The following DNAJC22 variants were observed in gnomAD, a reference collection of about 807,000 sequenced individuals.
DNAJC22 encodes DnaJ heat shock protein family (Hsp40) member C22.
DNAJC22 carries 24 observed loss-of-function variants against 22.2 expected under a neutral mutation model. The ratio of observed to expected loss-of-function variants is 1.08; its 90% CI spans 0.78 to 1.52. The LOEUF is 1.52. Among genes scored for constraint, DNAJC22 ranks in the 40% most tolerant of loss-of-function variants. DNAJC22 has a pLI of 0.00. For missense variants in DNAJC22, 434 were observed against 421.7 expected (o/e 1.03, Z -0.26); for synonymous variants, 160 against 167.4 (o/e 0.96, Z 0.34).
Position 49,349,601 on chromosome 12 carries a change from G to A in DNAJC22, c.729G>A (p.Trp243Ter), listed in dbSNP as rs373543881. Residue 243 changes from tryptophan (W) to a stop codon, truncating the protein, a stop_gained, in exon 3 of 4, where the codon TGG (tryptophan) becomes TGA (stop). Transcript: ENST00000549441. LOFTEE classifies it high-confidence loss of function. ...TCCTCCTTCTGCCTTACCGGATCTGGAGGCTACTGATGGGGGAGACTGGCT... is the reference window on the plus strand; with the variant it reads ...TCCTCCTTCTGCCTTACCGGATCTGAAGGCTACTGATGGGGGAGACTGGCT... Reference protein sequence around the residue: ...EFVLLLPYRIWRLLMGETGFN... With the variant: ...EFVLLLPYRI The A allele has an allele frequency of 3.7e-6, 6 of 1,614,130 alleles. No individual in the cohort carries two copies. Among genetic ancestry groups the A allele is most frequent in the Admixed American group, 1.7e-5 (1 of 60,008 alleles).
chr12:49,349,288 T>A lies in DNAJC22; in HGVS notation c.416T>A (p.Phe139Tyr). Reference protein sequence around the residue: ...SDFKNTLGSAFLTSPIFYGRP... With the variant: ...SDFKNTLGSAYLTSPIFYGRP... Reference sequence around the variant, plus strand: ...TTTAAGAACACTCTGGGGTCAGCATTTCTCACTTCACCTATCTTCTATGGC... The same window carrying A: ...TTTAAGAACACTCTGGGGTCAGCATATCTCACTTCACCTATCTTCTATGGC... The change falls in exon 3 of 4, where the codon TTT becomes TAT. Residue 139 changes from phenylalanine (F) to tyrosine (Y), a missense_variant. Transcript: ENST00000549441. 6.2e-7 allele frequency: 1 copy of A among 1,614,130 alleles called. No individual in the cohort carries two copies. Among genetic ancestry groups the A allele is most frequent in the East Asian group, 2.2e-5 (1 of 44,892 alleles).
rs1352890121 is a variant in DNAJC22 at position 49,352,102 on chromosome 12, T to C, written c.*600T>C. 1.3e-5 allele frequency: 2 copies of C among 152,178 alleles called. No homozygotes were observed. Among genetic ancestry groups the C allele is most frequent in the African/African-American group, 2.4e-5 (1 of 41,450 alleles). 9.4% of individuals were successfully genotyped at this position (152,178 alleles called of 1,614,324 possible). ...ATATCTTTTAGAGTATGGACAACTA[T>C]TATATATCAATAAAAAATTAATTAG... On this transcript the variant is annotated 3_prime_UTR_variant, in exon 4 of 4. Coordinates refer to ENST00000549441, the MANE Select transcript of DNAJC22 (RefSeq NM_001304944.2).
chr12:49,350,406 G>A (rs1229645087), intron 3 of DNAJC22, among the ~76,000 whole-genome samples: 1 of 151,208 alleles, frequency 6.6e-6, no homozygotes, highest in African/African-American at 2.4e-5. Flanking sequence ...CTCCAAATAA[G>A]TGGAACCATC....
In DNAJC22 at chr12:49,349,529, G is replaced by A. The variant is rs773539020; in HGVS notation, c.657G>A (p.Leu219=). ...TGGCAGAAACCTTTGGCTCCTTCTTGAATTGGTTCAGCTTCTTCCCCCTTC... is the reference window on the plus strand; with the variant it reads ...TGGCAGAAACCTTTGGCTCCTTCTTAAATTGGTTCAGCTTCTTCCCCCTTC... The part of the protein sequence containing the change: ...SYVAETFGSF[L]NWFSFFPLLG... Residue 219 remains leucine (L), a synonymous_variant, in exon 3 of 4, where the codon TTG becomes TTA. Coordinates refer to ENST00000549441, the MANE Select transcript of DNAJC22 (RefSeq NM_001304944.2). The A allele has an allele frequency of 3.7e-6, 6 of 1,614,226 alleles. No homozygotes were observed. The Admixed American group carries it at 8.3e-5, about 22-fold the overall frequency.
rs1431162707 is a variant in DNAJC22 at position 49,351,475 on chromosome 12, C to T, written c.999C>T (p.Pro333=). 2.5e-6 allele frequency: 4 copies of T among 1,568,702 alleles called. No homozygotes were observed. Among genetic ancestry groups the T allele is most frequent in the Non-Finnish European group, 3.4e-6 (4 of 1,162,714 alleles). Residue 333 remains proline, a synonymous_variant, in exon 4 of 4, where the codon CCC becomes CCT. Coordinates refer to ENST00000549441, the MANE Select transcript of DNAJC22 (RefSeq NM_001304944.2). ...CTGCGTATGAAGTCCTGAGTCAACC[C>T]AGGAAGCCCTGGGGATCCCGGAGGT... is the stretch of plus-strand genomic sequence containing the variant. ...IQAAYEVLSQ[P]RKPWGSRR
chr12:49,351,526 G>T lies in DNAJC22; in HGVS notation c.*24G>T. 1 of 1,516,412 alleles carries T rather than the reference G, an allele frequency of 6.6e-7. No individual in the cohort carries two copies. Among genetic ancestry groups the T allele is most frequent in the South Asian group, 1.3e-5 (1 of 74,932 alleles). 93.9% of individuals were successfully genotyped at this position (1,516,412 alleles called of 1,614,324 possible). ...GAAAAGAAACTTCCCCCTGAGGACT[G>T]ACTCTTCCTAGCAGAGCTGGGCAAC... is the stretch of plus-strand genomic sequence containing the variant. On this transcript the variant is annotated 3_prime_UTR_variant, in exon 4 of 4. Transcript: ENST00000549441.
chr12:49,353,297 T>C lies in DNAJC22; in HGVS notation c.*1795T>C, dbSNP rs1943803527. ...TCTTGCTCTCTTTGTGTGTGTGCAT[T>C]CTTTCCATTTTTTTCTTCTTTCTGG... On this transcript the variant is annotated 3_prime_UTR_variant, in exon 4 of 4. Transcript: ENST00000549441. 1.3e-5 allele frequency: 2 copies of C among 152,222 alleles called. No individual in the cohort carries two copies. Among genetic ancestry groups the C allele is most frequent in the African/African-American group, 4.8e-5 (2 of 41,452 alleles). The allele number at this position is 152,222 out of a possible 1,614,324, so 9.4% of individuals were successfully genotyped here.
rs1460737364 is a variant in DNAJC22 at position 49,347,896 on chromosome 12, G to C, written c.-317G>C. On this transcript the variant is annotated 5_prime_UTR_variant, in exon 2 of 4. Coordinates refer to ENST00000549441, the MANE Select transcript of DNAJC22 (RefSeq NM_001304944.2). ...CGAGTTTCCCCGCGAGGGCGGGCGG[G>C]AGGAGTCCCAGGCGGGAATGTGATC... 1 of 152,412 alleles carries C rather than the reference G, an allele frequency of 6.6e-6. No individual in the cohort carries two copies. The highest frequency in any genetic ancestry group is 2.1e-4 in the South Asian group (1 of 4,842). The allele number at this position is 152,412 out of a possible 1,614,324, so 9.4% of individuals were successfully genotyped here.
In DNAJC22 at chr12:49,353,485, CA is replaced by C. The variant is rs1209837071; in HGVS notation, c.*1988del. ...GCAACATGGCAAAACTCCATCTCTACAAAAAGTACAAAAATGAGCCAGGTGT... is the reference window on the plus strand; with the variant it reads ...GCAACATGGCAAAACTCCATCTCTACAAAAGTACAAAAATGAGCCAGGTGT... On this transcript the variant is annotated 3_prime_UTR_variant, in exon 4 of 4. Transcript: ENST00000549441. 6.6e-6 allele frequency: 1 copy of C among 151,994 alleles called. No individual in the cohort carries two copies. Among genetic ancestry groups the C allele is most frequent in the Non-Finnish European group, 1.5e-5 (1 of 68,008 alleles). The allele number at this position is 151,994 out of a possible 1,614,324, so 9.4% of individuals were successfully genotyped here.
Position 49,353,042 on chromosome 12 carries a change from T to G in DNAJC22, c.*1540T>G, listed in dbSNP as rs1028169592. The G allele has an allele frequency of 1.3e-5, 2 of 152,240 alleles. No individual in the cohort carries two copies. The highest frequency in any genetic ancestry group is 2.9e-5 in the Non-Finnish European group (2 of 68,050). The allele number at this position is 152,240 out of a possible 1,614,324, so 9.4% of individuals were successfully genotyped here. On this transcript the variant is annotated 3_prime_UTR_variant, in exon 4 of 4. Coordinates refer to ENST00000549441, the MANE Select transcript of DNAJC22 (RefSeq NM_001304944.2). ...ATTGGCACATTGGAGGAGGGACAGATAACATTGTTTTATGGGGACTCAGAA... is the reference window on the plus strand; with the variant it reads ...ATTGGCACATTGGAGGAGGGACAGAGAACATTGTTTTATGGGGACTCAGAA...
In DNAJC22 at chr12:49,351,508, A is replaced by G. The variant is rs374700419; in HGVS notation, c.*6A>G. The G allele has an allele frequency of 4.6e-6, 7 of 1,530,108 alleles. No individual in the cohort carries two copies. In the African/African-American group the frequency reaches 7.1e-5, roughly 16 times the overall value. The allele number at this position is 1,530,108 out of a possible 1,614,324, so 94.8% of individuals were successfully genotyped here. On this transcript the variant is annotated 3_prime_UTR_variant, in exon 4 of 4. Coordinates refer to ENST00000549441, the MANE Select transcript of DNAJC22 (RefSeq NM_001304944.2). ...CCTGGGGATCCCGGAGGTGAAAAGA[A>G]ACTTCCCCCTGAGGACTGACTCTTC...
At chr12:49,351,265 G>C in intron 3 of DNAJC22, 52 bp from the exon 4 acceptor site, 2 of 1,611,288 alleles carry the variant, frequency 1.2e-6, no homozygotes, top group Non-Finnish European at 1.7e-6. Context: ...GAGAGGCCCA[G>C]GTACCCTGAC....
chr12:49,348,623 C>A, intron 2 of DNAJC22, 143 bp from the exon 3 acceptor site: 1 of 392,808 alleles, frequency 2.5e-6, no homozygotes, highest in Non-Finnish European at 4.4e-6. Flanking sequence ...AAGAATGGGA[C>A]TGAGGTGCTA....
In DNAJC22 at chr12:49,349,389, G is replaced by T. The variant is rs1328470663; in HGVS notation, c.517G>T (p.Val173Leu). Residue 173 changes from valine (V) to leucine (L), a missense_variant, in exon 3 of 4, where the codon GTG becomes TTG. Physicochemically the swap from Val to Leu is conservative, Grantham distance 32. Transcript: ENST00000549441. The stretch of plus-strand genomic sequence containing the variant: ...GAGGCATCGCCGCTACAAAGCTTTG[G>T]TGGCATCAGAGCCGCTCAGTGTGCG... ...AQRHRRYKAL[V>L]ASEPLSVRLY... 6.2e-7 allele frequency: 1 copy of T among 1,606,400 alleles called. No homozygotes were observed. The highest frequency in any genetic ancestry group is 8.5e-7 in the Non-Finnish European group (1 of 1,176,572).
Position 49,353,061 on chromosome 12 carries a change from C to T in DNAJC22, c.*1559C>T, listed in dbSNP as rs1943801082. The T allele has an allele frequency of 6.6e-6, 1 of 152,124 alleles. No homozygotes were observed. Among genetic ancestry groups the T allele is most frequent in the Non-Finnish European group, 1.5e-5 (1 of 68,028 alleles). The allele number at this position is 152,124 out of a possible 1,614,324, so 9.4% of individuals were successfully genotyped here. The stretch of plus-strand genomic sequence containing the variant: ...GACAGATAACATTGTTTTATGGGGA[C>T]TCAGAAAGATTCATTATTTTATATG... On this transcript the variant is annotated 3_prime_UTR_variant, in exon 4 of 4. Coordinates refer to ENST00000549441, the MANE Select transcript of DNAJC22 (RefSeq NM_001304944.2).
rs1943804305 is a variant in DNAJC22, at chr12:49,353,403, C to T, written c.*1901C>T. ...GTGCCTCTTGCCTATAATCCTAGCA[C>T]TTTGGCAAGCCAAGGCAGGAAGATT... On this transcript the variant is annotated 3_prime_UTR_variant, in exon 4 of 4. Transcript: ENST00000549441. The T allele has an allele frequency of 6.6e-6, 1 of 152,198 alleles. No individual in the cohort carries two copies. The highest frequency in any genetic ancestry group is 2.1e-4 in the South Asian group (1 of 4,832). The allele number at this position is 152,198 out of a possible 1,614,324, so 9.4% of individuals were successfully genotyped here.
rs1943794837 is a variant in DNAJC22, at chr12:49,352,346, T to A, written c.*844T>A. 6.6e-6 allele frequency: 1 copy of A among 152,154 alleles called. No homozygotes were observed. The highest frequency in any genetic ancestry group is 2.4e-5 in the African/African-American group (1 of 41,428). The allele number at this position is 152,154 out of a possible 1,614,324, so 9.4% of individuals were successfully genotyped here. A position where few individuals can be genotyped will look rare whatever the true frequency, so the allele number is the denominator to read the frequency against. Reference sequence around the variant, plus strand: ...GGCCAACCAACATGGTGAAACCCCATCTCTACTAAAAATACAAAACTTAGC... The same window carrying A: ...GGCCAACCAACATGGTGAAACCCCAACTCTACTAAAAATACAAAACTTAGC... On this transcript the variant is annotated 3_prime_UTR_variant, in exon 4 of 4. Coordinates refer to ENST00000549441, the MANE Select transcript of DNAJC22 (RefSeq NM_001304944.2).
Position 49,347,216 on chromosome 12 carries a change from G to GCCT in DNAJC22, c.-903_-901dup, listed in dbSNP as rs1943711130. ...GGCGCAGGAAGGCAGACTACCACGA[G>GCCT]CCTCGGGCTGCGGCCTCGCCCTCCT... On this transcript the variant is annotated 5_prime_UTR_variant, in exon 1 of 4. Coordinates refer to ENST00000549441, the MANE Select transcript of DNAJC22 (RefSeq NM_001304944.2). 2.0e-5 allele frequency: 3 copies of GCCT among 152,442 alleles called. No individual in the cohort carries two copies. The South Asian group carries it at 6.2e-4, about 32-fold the overall frequency. 9.4% of individuals were successfully genotyped at this position (152,442 alleles called of 1,614,324 possible). A position where few individuals can be genotyped will look rare whatever the true frequency, so the allele number is the denominator to read the frequency against.
At chr12:49,350,560 G>A (rs1443445450) in intron 3 of DNAJC22, among the ~76,000 whole-genome samples, 5 of 136,320 alleles carry the variant, frequency 3.7e-5, no homozygotes, top group African/African-American at 1.1e-4. Context: ...GTGCAATGGC[G>A]CGATCTCAGC....
Sources: gnomAD v4.1 joint callset for allele counts (sites outside exome capture counted in the v4.1 genomes callset) on GRCh38, gnomAD v4.1.1 for gene constraint, MANE v1.5 for transcripts, NCBI Gene and HGNC (gene_info 2026-07-23, HGNC 2026-07-21) for gene names.